The following TRIM66 variants were observed in gnomAD, a reference collection of about 807,000 sequenced individuals.
TRIM66 encodes tripartite motif containing 66.
In TRIM66, 99 loss-of-function variants were observed where a neutral mutation model predicts 148.2. The ratio of observed to expected loss-of-function variants is 0.67; its 90% confidence interval spans 0.57 to 0.79. TRIM66 has a LOEUF of 0.79. TRIM66 is among the 30% of genes least tolerant of loss of function. The pLI, the probability that TRIM66 is intolerant of heterozygous loss-of-function variation, is 0.00. For missense variants in TRIM66, 1,666 were observed against 1,697.9 expected (o/e 0.98, Z 0.33); for synonymous variants, 616 against 635.9 (o/e 0.97, Z 0.47).
intron 10 of TRIM66, among the ~76,000 whole-genome samples, chr11:8,647,151 G>C (rs533492796): frequency 2.5e-4 from 38 of 150,986 alleles, no homozygotes; most frequent in African/African-American, 9.2e-4. Context: ...CTTCTTTTTG[G>C]GGGGATGAAA....
rs2038947861 is a variant in TRIM66, at chr11:8,671,784, A to C, written c.340+2T>G. The stretch of plus-strand genomic sequence containing the variant: ...GTGAACTTGTGGTGCCTTTGTACTT[A>C]CCATCTGCAACAGTCTCATGAGCCT... On this transcript the variant is annotated splice_donor_variant, in intron 6 of 24. Transcript: ENST00000646038. LOFTEE classifies it high-confidence loss of function. 7.8e-7 allele frequency: 1 copy of C among 1,276,136 alleles called. No homozygotes were observed. The allele number at this position is 1,276,136 out of a possible 1,614,324, so 79.1% of individuals were successfully genotyped here.
At chr11:8,672,183 C>T in intron 5 of TRIM66, 65 bp downstream of exon 5, 7 of 1,533,732 alleles carry the variant, frequency 4.6e-6, no homozygotes, top group Non-Finnish European at 6.1e-6. Flanking sequence ...AGAACAAGGC[C>T]TCAAAAGTCC....
chr11:8,650,128 T>A (rs1185409150), intron 7 of TRIM66, among the ~76,000 whole-genome samples: 2 of 152,082 alleles, frequency 1.3e-5, no homozygotes, highest in Non-Finnish European at 2.9e-5. Flanking sequence ...ACCCCAGTAC[T>A]TTGGGAGGCC....
At chr11:8,648,354 C>G in intron 9 of TRIM66, 62 bp downstream of exon 9, 2 of 1,531,492 alleles carry the variant, frequency 1.3e-6, no homozygotes, top group Non-Finnish European at 1.8e-6. Flanking sequence ...ATTCCCAGAG[C>G]TCTCACAAGT....
At chr11:8,619,117 C>T in intron 23 of TRIM66, 149 bp from the exon 24 acceptor site, 1 of 799,314 alleles carries the variant, frequency 1.3e-6, no homozygotes, top group Non-Finnish European at 2.0e-6. Flanking sequence ...CTCAGGAAAA[C>T]TAGTTTGGTA....
intron 6 of TRIM66, among the ~76,000 whole-genome samples, chr11:8,653,699 T>C (rs1362175062): frequency 6.6e-6 from 1 of 151,940 alleles, no homozygotes; most frequent in East Asian, 1.9e-4. Context: ...GGTGGCTTGT[T>C]ATGCAGTAAA....
chr11:8,674,992 G>T (rs1219996932), intron 3 of TRIM66, 109 bp from the exon 4 acceptor site: 1 of 152,162 alleles, frequency 6.6e-6, no homozygotes, highest in Non-Finnish European at 1.5e-5. Flanking sequence ...TTATTTATAA[G>T]GTAGACTCTG....
intron 15 of TRIM66, 90 bp downstream of exon 15, chr11:8,638,564 T>TC (rs1279934362): frequency 7.0e-7 from 1 of 1,427,042 alleles, no homozygotes; most frequent in Non-Finnish European, 9.5e-7. Context: ...GGGACGCTCC[T>TC]CCCCCCACCC....
chr11:8,634,074 G>A (rs2035656189), intron 15 of TRIM66, among the ~76,000 whole-genome samples: 1 of 152,124 alleles, frequency 6.6e-6, no homozygotes, highest in African/African-American at 2.4e-5. Flanking sequence ...GAAGATCTGG[G>A]GCTATGTTAT....
intron 6 of TRIM66, among the ~76,000 whole-genome samples, chr11:8,662,803 TC>T (rs1379984390): frequency 6.6e-6 from 1 of 152,150 alleles, no homozygotes; most frequent in African/African-American, 2.4e-5. Flanking sequence ...TCCAATCAAT[TC>T]CCTCTTCCCT....
intron 15 of TRIM66, among the ~76,000 whole-genome samples, chr11:8,629,758 A>G (rs1233723475): frequency 6.6e-6 from 1 of 152,226 alleles, no homozygotes; most frequent in South Asian, 2.1e-4. Context: ...ATCCCAAGAT[A>G]TTGCATACTT....
At chr11:8,623,057 AGAG>A (rs1477199569) in intron 17 of TRIM66, among the ~76,000 whole-genome samples, 181 bp from the exon 18 acceptor site, 1 of 152,174 alleles carries the variant, frequency 6.6e-6, no homozygotes, top group African/African-American at 2.4e-5. Context: ...CTCCTTCTTG[AGAG>A]GAGGAAGCCC....
intron 6 of TRIM66, among the ~76,000 whole-genome samples, chr11:8,670,929 T>A (rs1471560888): frequency 6.6e-6 from 1 of 152,212 alleles, no homozygotes; most frequent in Admixed American, 6.5e-5. Context: ...ACACTAATTT[T>A]AAAAAATTAT....
chr11:8,631,299 G>C (rs1465886983), intron 15 of TRIM66, among the ~76,000 whole-genome samples: 2 of 152,134 alleles, frequency 1.3e-5, no homozygotes, highest in African/African-American at 4.8e-5. Context: ...ATAAATTTCA[G>C]GTTCTTACAG....
At chr11:8,658,386 C>T (rs1472002871) in intron 6 of TRIM66, among the ~76,000 whole-genome samples, 1 of 152,162 alleles carries the variant, frequency 6.6e-6, no homozygotes, top group Non-Finnish European at 1.5e-5. Flanking sequence ...CTGCACAGCT[C>T]GGGAGACAGC....
chr11:8,657,990 C>T (rs1317280884), intron 6 of TRIM66, among the ~76,000 whole-genome samples: 1 of 152,252 alleles, frequency 6.6e-6, no homozygotes, highest in Non-Finnish European at 1.5e-5. Context: ...GAGGATGGCG[C>T]TTACCAAGCG....
rs73408082 is a variant in TRIM66 at position 8,637,905 on chromosome 11, G to T, written c.2310+749C>A. Among the ~76,000 whole-genome samples the T allele has an allele frequency of 2.4e-3, 371 of 152,310 alleles. 1 individual carries two copies. The highest frequency in any genetic ancestry group is 8.7e-3 in the African/African-American group (362 of 41,552). On this transcript the variant is annotated intron_variant, in intron 15 of 24. Transcript: ENST00000646038. ...GGCTCCAGCTAGATGTATGACAGGG[G>T]TTGGGGGTGAAGGGGCAGAGGTGAG...
chr11:8,640,752 C>T lies in TRIM66; in HGVS notation c.1623G>A (p.Glu541=). 3 of 1,551,486 alleles carry T rather than the reference C, an allele frequency of 1.9e-6. No individual in the cohort carries two copies. Among genetic ancestry groups the T allele is most frequent in the East Asian group, 4.9e-5 (2 of 40,916 alleles). Residue 541 remains glutamate, a synonymous_variant, in exon 14 of 25, where the codon GAG becomes GAA. Coordinates refer to ENST00000646038, the MANE Select transcript of TRIM66 (RefSeq NM_001388022.1). The stretch of plus-strand genomic sequence containing the variant: ...GCTGCCCCAGCCGCTGGGATGTGCT[C>T]TCCTGCTCCACGGGGGGCTGGGTTT... ...WLETQPPVEQ[E]STSQRLGQQL...
chr11:8,664,843 G>C (rs2038489098), intron 6 of TRIM66, among the ~76,000 whole-genome samples: 1 of 152,154 alleles, frequency 6.6e-6, no homozygotes, highest in East Asian at 1.9e-4. Flanking sequence ...CCAAGCCCCA[G>C]AGCAGGAGTA....
Sources: gnomAD v4.1 joint callset for allele counts (sites outside exome capture counted in the v4.1 genomes callset) on GRCh38, gnomAD v4.1.1 for gene constraint, MANE v1.5 for transcripts, NCBI Gene and HGNC (gene_info 2026-07-23, HGNC 2026-07-21) for gene names.